Variants in METTL24 observed in about 807,000 individuals in gnomAD.
METTL24 encodes methyltransferase like 24.
Under a neutral mutation model 32.7 loss-of-function variants are expected in METTL24, and 29 were observed. The ratio of observed to expected loss-of-function variants is 0.89; its 90% confidence interval spans 0.66 to 1.21. The LOEUF (loss-of-function observed/expected upper bound fraction) is 1.21. Among genes scored for constraint, METTL24 ranks in the 50% most tolerant of loss-of-function variants. METTL24 has a pLI of 0.00. For synonymous variants in METTL24, 163 were observed against 179.5 expected, an observed-to-expected ratio of 0.91 and a Z score of 0.73; for missense variants, 439 against 468.1, an observed-to-expected ratio of 0.94 and a Z score of 0.57.
At chr6:110,318,476 C>T (rs753102140) in intron 2 of METTL24, among the ~76,000 whole-genome samples, 9 of 151,690 alleles carry the variant, frequency 5.9e-5, no homozygotes, top group Non-Finnish European at 1.3e-4. Flanking sequence ...GGTGAAACCC[C>T]GCCTTTACTA....
chr6:110,281,793 T>A (rs1371477039), intron 4 of METTL24, among the ~76,000 whole-genome samples: 3 of 151,068 alleles, frequency 2.0e-5, no homozygotes, highest in African/African-American at 7.3e-5. Flanking sequence ...ATACTTGATA[T>A]GTCCCCAAAA....
rs530971275 is a variant in METTL24 at position 110,328,677 on chromosome 6, C to CA, written c.319-5806dup. Reference sequence around the variant, plus strand: ...AGATTTTACTCCTAAAAGATAATGCCAAAAAAAGGGAATATTTTAAAATAC... The same window carrying CA: ...AGATTTTACTCCTAAAAGATAATGCCAAAAAAAAGGGAATATTTTAAAATAC... On this transcript the variant is annotated intron_variant, in intron 1 of 4. Coordinates refer to ENST00000338882, the MANE Select transcript of METTL24 (RefSeq NM_001123364.3). 1.8e-3 allele frequency among the ~76,000 whole-genome samples: 267 copies of CA among 151,754 alleles called. 3 individuals are homozygous for CA. The highest frequency in any genetic ancestry group is 6.1e-3 in the African/African-American group (253 of 41,374).
At chr6:110,295,874 A>C (rs1384694285) in intron 4 of METTL24, among the ~76,000 whole-genome samples, 1 of 150,952 alleles carries the variant, frequency 6.6e-6, no homozygotes, top group Non-Finnish European at 1.5e-5. Context: ...ATTGTTAATA[A>C]AAACCCTTTG....
intron 1 of METTL24, among the ~76,000 whole-genome samples, chr6:110,328,427 G>A (rs1772053329): frequency 1.3e-5 from 2 of 152,202 alleles, no homozygotes; most frequent in African/African-American, 4.8e-5. Context: ...ACTAGTTCAT[G>A]TTATTTAGTG....
At chr6:110,333,286 C>G (rs756627071) in intron 1 of METTL24, among the ~76,000 whole-genome samples, 1 of 152,018 alleles carries the variant, frequency 6.6e-6, no homozygotes, top group Non-Finnish European at 1.5e-5. Flanking sequence ...GCTATTAAAA[C>G]CAAAGGGAAA....
intron 4 of METTL24, among the ~76,000 whole-genome samples, chr6:110,268,438 A>G (rs1770897857): frequency 6.6e-6 from 1 of 152,224 alleles, no homozygotes; most frequent in Non-Finnish European, 1.5e-5. Context: ...ATAACTTAAC[A>G]GTTCCTTTGA....
At chr6:110,353,141 G>A (rs1772641204) in intron 1 of METTL24, among the ~76,000 whole-genome samples, 1 of 152,186 alleles carries the variant, frequency 6.6e-6, no homozygotes, top group Admixed American at 6.5e-5. Flanking sequence ...GCTTTTCTTT[G>A]TGCGACTAAG....
At chr6:110,278,709 T>C (rs1407309670) in intron 4 of METTL24, among the ~76,000 whole-genome samples, 2 of 152,162 alleles carry the variant, frequency 1.3e-5, no homozygotes, top group South Asian at 4.1e-4. Flanking sequence ...AACAGATTCA[T>C]ATAGGAAATC....
chr6:110,354,862 T>C (rs1039052311), intron 1 of METTL24, among the ~76,000 whole-genome samples: 1 of 152,172 alleles, frequency 6.6e-6, no homozygotes, highest in African/African-American at 2.4e-5. Context: ...CCGAAAATAA[T>C]AGCTAGCGAG....
intron 4 of METTL24, chr6:110,254,215 GT>G (rs1453722287): frequency 5.2e-5 from 16 of 306,980 alleles, no homozygotes; most frequent in Admixed American, 5.0e-5. Flanking sequence ...GGGCAACTAA[GT>G]TTGTGTGTGT....
rs781375623 is a variant in METTL24, at chr6:110,246,139, C to G, written c.908G>C (p.Gly303Ala). The change falls in exon 5 of 5, where the codon GGG becomes GCG. Residue 303 changes from glycine (G) to alanine (A), a missense_variant. Gly to Ala is a moderately conservative substitution (Grantham distance 60, BLOSUM62 0). Coordinates refer to ENST00000338882, the MANE Select transcript of METTL24 (RefSeq NM_001123364.3). ...GCTGTCACTGCCACTGACCTCAAAC[C>G]CAGGCCAGTGGAGATGGATCTCAAA... ...LIFEIHLHWP[G>A]FEVSGSDSSV... The G allele has an allele frequency of 1.9e-6, 3 of 1,614,050 alleles. No homozygotes were observed. In the African/African-American group the frequency reaches 4.0e-5, roughly 22 times the overall value.
intron 1 of METTL24, among the ~76,000 whole-genome samples, chr6:110,325,302 G>A (rs1177333259): frequency 6.6e-6 from 1 of 152,236 alleles, no homozygotes; most frequent in Non-Finnish European, 1.5e-5. Flanking sequence ...AATAGCCAAT[G>A]TTTTAGACTT....
At chr6:110,348,076 C>G (rs62435946) in intron 1 of METTL24, among the ~76,000 whole-genome samples, 10,531 of 152,286 alleles carry the variant, frequency 0.069, 488 homozygotes, top group Non-Finnish European at 0.099. Context: ...TTGGTACTTA[C>G]AGGCCAGTGC....
rs187001531 is a variant in METTL24 at position 110,281,498 on chromosome 6, G to A, written c.786+17424C>T. 3.2e-4 allele frequency among the ~76,000 whole-genome samples: 49 copies of A among 151,542 alleles called. 1 individual carries two copies. The highest frequency in any genetic ancestry group is 2.5e-3 in the Admixed American group (38 of 15,184). On this transcript the variant is annotated intron_variant, in intron 4 of 4. Transcript: ENST00000338882. ...TCTACTAAAAATACAAAAATTAGCC[G>A]GGTGTGGTGGCTCACACCTGTAATC...
At chr6:110,317,530 G>A (rs945747501) in intron 2 of METTL24, among the ~76,000 whole-genome samples, 3 of 152,062 alleles carry the variant, frequency 2.0e-5, no homozygotes, top group African/African-American at 7.2e-5. Context: ...TTAGTCCAGG[G>A]CAGCTGTGTG....
At chr6:110,335,769 C>A (rs1478043270) in intron 1 of METTL24, among the ~76,000 whole-genome samples, 1 of 151,994 alleles carries the variant, frequency 6.6e-6, no homozygotes, top group Non-Finnish European at 1.5e-5. Context: ...TCAAGACTAG[C>A]TGCTTCATAT....
chr6:110,344,958 C>T (rs1387516260), intron 1 of METTL24, among the ~76,000 whole-genome samples: 2 of 152,188 alleles, frequency 1.3e-5, no homozygotes, highest in Non-Finnish European at 2.9e-5. Context: ...AGAGCTTCTG[C>T]ATAGCAAAAG....
intron 1 of METTL24, among the ~76,000 whole-genome samples, chr6:110,326,265 C>T (rs113069971): frequency 3.8e-4 from 58 of 152,298 alleles, no homozygotes; most frequent in African/African-American, 1.1e-3. Flanking sequence ...TGGGGTTCCC[C>T]GCTCAGTCTA....
At chr6:110,254,389 T>C (rs1778343067) in intron 4 of METTL24, 1 of 152,318 alleles carries the variant, frequency 6.6e-6, no homozygotes, top group Non-Finnish European at 1.5e-5. Flanking sequence ...CCCAGCACTT[T>C]GGGAGGCTGA....
Sources: allele counts gnomAD v4.1 joint callset (sites outside exome capture counted in the v4.1 genomes callset), GRCh38; gene constraint gnomAD v4.1.1; transcripts MANE v1.5; gene names NCBI Gene and HGNC (gene_info 2026-07-23, HGNC 2026-07-21).